DMXL1: variants seen among roughly 807,000 people sequenced by gnomAD.
DMXL1 encodes dmX-like protein 1.
A neutral mutation model predicts 319.2 loss-of-function variants in DMXL1; 99 were observed. The ratio of observed to expected loss-of-function variants is 0.31; its 90% CI spans 0.26 to 0.37. DMXL1 has a LOEUF of 0.37. Ranked by LOEUF, DMXL1 falls within the 10% of genes least tolerant of loss-of-function variation. DMXL1 has a pLI of 1.00. For missense variants in DMXL1, 3,745 were observed against 3,595.6 expected (o/e 1.04, Z -1.06); for synonymous variants, 1,385 against 1,235.2 (o/e 1.12, Z -2.54).
intron 1 of DMXL1, among the ~76,000 whole-genome samples, chr5:119,072,700 T>C (rs1371325975): frequency 6.6e-6 from 1 of 152,226 alleles, no homozygotes; most frequent in African/African-American, 2.4e-5. Flanking sequence ...GCATTTAAAA[T>C]GGTGGAGGCA....
intron 10 of DMXL1, among the ~76,000 whole-genome samples, chr5:119,130,141 T>G (rs1171666783): frequency 6.6e-6 from 1 of 152,164 alleles, no homozygotes; most frequent in East Asian, 1.9e-4. Context: ...AATTTCAAGA[T>G]GGTTTATGAT....
chr5:119,139,198 C>G (rs1456439542), intron 13 of DMXL1, among the ~76,000 whole-genome samples: 1 of 152,064 alleles, frequency 6.6e-6, no homozygotes, highest in East Asian at 1.9e-4. Flanking sequence ...ATACACAGAC[C>G]AGTAACACTA....
intron 34 of DMXL1, among the ~76,000 whole-genome samples, chr5:119,210,519 G>A (rs1162221343): frequency 6.6e-6 from 1 of 152,046 alleles, no homozygotes; most frequent in Non-Finnish European, 1.5e-5. Context: ...AATTGTTACA[G>A]CATTATTTCT....
chr5:119,233,506 G>A, intron 39 of DMXL1, 39 bp downstream of exon 39: 1 of 1,571,740 alleles, frequency 6.4e-7, no homozygotes, highest in Non-Finnish European at 8.7e-7. Flanking sequence ...AATTTATTGT[G>A]TTGGAGGTTT....
intron 9 of DMXL1, among the ~76,000 whole-genome samples, chr5:119,121,902 G>T (rs1762152462): frequency 6.7e-6 from 1 of 150,150 alleles, no homozygotes; most frequent in South Asian, 2.1e-4. Context: ...CGGCTGGCCG[G>T]GCGGGGGGCT....
chr5:119,187,461 A>G (rs150692263), intron 28 of DMXL1, among the ~76,000 whole-genome samples: 1,532 of 152,324 alleles, frequency 0.01, 24 homozygotes, highest in South Asian at 0.036. Flanking sequence ...GGATTCAAGC[A>G]TAAAATTGCC....
intron 9 of DMXL1, among the ~76,000 whole-genome samples, chr5:119,121,552 A>C (rs1261385354): frequency 6.6e-6 from 1 of 151,972 alleles, no homozygotes; most frequent in African/African-American, 2.4e-5. Context: ...AATCCATTTA[A>C]CCCTGAGTGG....
intron 6 of DMXL1, among the ~76,000 whole-genome samples, chr5:119,115,338 G>A (rs1028888837): frequency 8.8e-4 from 134 of 152,262 alleles, no homozygotes; most frequent in African/African-American, 3.1e-3. Flanking sequence ...TTTCTAGAAA[G>A]ATACTAGTAA....
At chr5:119,170,102 A>C in intron 23 of DMXL1, 88 bp from the exon 24 acceptor site, 1 of 1,360,206 alleles carries the variant, frequency 7.4e-7, no homozygotes, top group Non-Finnish European at 9.8e-7. Flanking sequence ...CTTTAGATAA[A>C]GGTGTCATAG....
At chr5:119,239,959 CAAAAAA>C (rs200453825) in intron 41 of DMXL1, among the ~76,000 whole-genome samples, 1 of 121,376 alleles carries the variant, frequency 8.2e-6, no homozygotes, top group Non-Finnish European at 1.7e-5. Context: ...AACTCCATCT[CAAAAAA>C]AAAAAAAAAC....
chr5:119,114,260 A>G (rs1760320395), intron 5 of DMXL1, among the ~76,000 whole-genome samples: 1 of 152,258 alleles, frequency 6.6e-6, no homozygotes, highest in Non-Finnish European at 1.5e-5. Context: ...AAAGATTTTG[A>G]CAAGCCATTC....
At chr5:119,168,852 C>G (rs928881565) in intron 23 of DMXL1, among the ~76,000 whole-genome samples, 1 of 151,972 alleles carries the variant, frequency 6.6e-6, no homozygotes, top group Non-Finnish European at 1.5e-5. Context: ...TGTGCCTGGC[C>G]CCCTTTCCCT....
intron 21 of DMXL1, among the ~76,000 whole-genome samples, chr5:119,166,167 G>GCT (rs1378942681): frequency 1.3e-5 from 2 of 151,900 alleles, no homozygotes; most frequent in Non-Finnish European, 2.9e-5. Flanking sequence ...CATGAACAGC[G>GCT]ACCTTTGGGG....
At chr5:119,085,944 T>C (rs368528033) in intron 1 of DMXL1, among the ~76,000 whole-genome samples, 4 of 152,352 alleles carry the variant, frequency 2.6e-5, no homozygotes, top group South Asian at 4.1e-4. Flanking sequence ...GAAACTATCA[T>C]ATGGTTTTTG....
chr5:119,188,145 A>C (rs1273453515), intron 28 of DMXL1, among the ~76,000 whole-genome samples: 1 of 152,242 alleles, frequency 6.6e-6, no homozygotes, highest in South Asian at 2.1e-4. Flanking sequence ...CCAGTGGGTC[A>C]GTAAAAGAAA....
intron 2 of DMXL1, among the ~76,000 whole-genome samples, chr5:119,100,131 G>T (rs914475180): frequency 2.6e-5 from 4 of 152,076 alleles, no homozygotes; most frequent in Admixed American, 1.3e-4. Context: ...AAGAAAATTG[G>T]CAGGTTCTGG....
intron 1 of DMXL1, among the ~76,000 whole-genome samples, chr5:119,079,427 C>G (rs1159207858): frequency 1.3e-5 from 2 of 152,150 alleles, no homozygotes; most frequent in African/African-American, 2.4e-5. Flanking sequence ...TTTTTTCTTT[C>G]CAGAGTTTCT....
Position 119,071,471 on chromosome 5 carries a change from A to C in DMXL1, c.-99A>C. ...GTCGCTGCTTCTGCCGTCGCCACCGAAGAGCGGCCGCCGCCCCTGAGGGAA... is the reference window on the plus strand; with the variant it reads ...GTCGCTGCTTCTGCCGTCGCCACCGCAGAGCGGCCGCCGCCCCTGAGGGAA... On this transcript the variant is annotated 5_prime_UTR_variant, in exon 1 of 44. Coordinates refer to ENST00000539542, the MANE Select transcript of DMXL1 (RefSeq NM_001290321.3). 2 of 1,246,274 alleles carry C rather than the reference A, an allele frequency of 1.6e-6. No individual in the cohort carries two copies. Among genetic ancestry groups the C allele is most frequent in the South Asian group, 2.6e-5 (2 of 77,882 alleles). 77.2% of individuals were successfully genotyped at this position (1,246,274 alleles called of 1,614,324 possible).
chr5:119,075,859 C>G (rs1460568660), intron 1 of DMXL1, among the ~76,000 whole-genome samples: 3 of 152,050 alleles, frequency 2.0e-5, no homozygotes, highest in Non-Finnish European at 4.4e-5. Flanking sequence ...GCTGCCATGT[C>G]CACCCTGCAA....
Sources: gnomAD v4.1 joint callset for allele counts (sites outside exome capture counted in the v4.1 genomes callset) on GRCh38, gnomAD v4.1.1 for gene constraint, MANE v1.5 for transcripts, NCBI Gene and HGNC (gene_info 2026-07-23, HGNC 2026-07-21) for gene names.